The following TYW1 variants were observed in gnomAD, a reference collection of about 807,000 sequenced individuals.
The protein encoded by TYW1 is S-adenosyl-L-methionine-dependent tRNA 4-demethylwyosine synthase TYW1.
TYW1 carries 46 observed loss-of-function variants against 96.2 expected under a neutral mutation model. The ratio of observed to expected loss-of-function variants is 0.48; its 90% CI spans 0.38 to 0.61. The LOEUF is 0.61. TYW1 is among the 20% of genes least tolerant of loss of function. The pLI is 0.00. For missense variants in TYW1, 684 were observed against 909.6 expected, an observed-to-expected ratio of 0.75 and a Z score of 3.19; for synonymous variants, 274 against 323.0, an observed-to-expected ratio of 0.85 and a Z score of 1.63.
chr7:67,175,362 G>A (rs1201237161), intron 13 of TYW1, among the ~76,000 whole-genome samples: 2 of 152,026 alleles, frequency 1.3e-5, no homozygotes, highest in Non-Finnish European at 2.9e-5. Context: ...GTAGAGATGG[G>A]GTTTCTCCAT....
At chr7:67,177,526 A>G (rs1753062739) in intron 13 of TYW1, among the ~76,000 whole-genome samples, 1 of 152,236 alleles carries the variant, frequency 6.6e-6, no homozygotes, top group African/African-American at 2.4e-5. Context: ...GAAAAAAGAC[A>G]AATATTCCAA....
chr7:67,207,758 T>C (rs1164502136), intron 15 of TYW1, among the ~76,000 whole-genome samples: 1 of 145,822 alleles, frequency 6.9e-6, no homozygotes, highest in Non-Finnish European at 1.5e-5. Context: ...TCTTGTTCTG[T>C]CTCCCAGGCT....
intron 6 of TYW1, among the ~76,000 whole-genome samples, chr7:67,022,777 G>T (rs1319921640): frequency 6.6e-6 from 1 of 152,090 alleles, no homozygotes; most frequent in Non-Finnish European, 1.5e-5. Context: ...CTTATTTCTG[G>T]GAACAATTTA....
At chr7:67,001,133 A>G (rs1026006759) in intron 3 of TYW1, among the ~76,000 whole-genome samples, 9 of 152,196 alleles carry the variant, frequency 5.9e-5, no homozygotes, top group Non-Finnish European at 8.8e-5. Context: ...GCAGATGGTA[A>G]CAAATCCAGG....
At chr7:67,081,558 C>T (rs1168501710) in intron 10 of TYW1, among the ~76,000 whole-genome samples, 2 of 151,762 alleles carry the variant, frequency 1.3e-5, no homozygotes, top group African/African-American at 4.8e-5. Flanking sequence ...CCTTTTCCCA[C>T]CTGTTCTCCT....
At chr7:66,998,426 T>G (rs960834401) in intron 2 of TYW1, among the ~76,000 whole-genome samples, 1 of 152,226 alleles carries the variant, frequency 6.6e-6, no homozygotes, top group Non-Finnish European at 1.5e-5. Context: ...GGAAGATTTT[T>G]GTAATGAAAA....
intron 10 of TYW1, among the ~76,000 whole-genome samples, chr7:67,074,883 A>G (rs1461803929): frequency 2.6e-5 from 4 of 151,706 alleles, no homozygotes; most frequent in African/African-American, 9.7e-5. Flanking sequence ...CCCAGGCTGG[A>G]GTGCAGTGGT....
At chr7:67,109,045 G>A (rs1337824706) in intron 12 of TYW1, among the ~76,000 whole-genome samples, 10 of 151,762 alleles carry the variant, frequency 6.6e-5, no homozygotes, top group African/African-American at 1.9e-4. Context: ...AGGCCGAGGC[G>A]GGCGGATCAC....
intron 10 of TYW1, among the ~76,000 whole-genome samples, chr7:67,074,345 G>T (rs970303843): frequency 3.2e-4 from 49 of 152,146 alleles, no homozygotes; most frequent in Non-Finnish European, 5.4e-4. Flanking sequence ...TAAGTAGTTG[G>T]TTTTTTTACA....
intron 15 of TYW1, among the ~76,000 whole-genome samples, chr7:67,199,739 CCTCT>C (rs532327797): frequency 3.5e-4 from 53 of 152,224 alleles, no homozygotes; most frequent in Non-Finnish European, 5.6e-4. Context: ...ACTCCCTGTT[CCTCT>C]CTCTCTGTCT....
At chr7:67,221,861 CTTTTT>C (rs58609089) in intron 15 of TYW1, among the ~76,000 whole-genome samples, 1 of 144,308 alleles carries the variant, frequency 6.9e-6, no homozygotes, top group African/African-American at 2.6e-5. Flanking sequence ...TAATACTTGT[CTTTTT>C]TTTTTTTTTT....
In TYW1 at chr7:67,085,696, C is replaced by T. The variant is rs148979022; in HGVS notation, c.1384+2157C>T. On this transcript the variant is annotated intron_variant, in intron 11 of 15. Transcript: ENST00000359626. ...AGATAATTATTCAGTAGGCTTAGCA[C>T]GGTGCCTCACGCTTGTAATCCCAGG... is the stretch of plus-strand genomic sequence containing the variant. 4.7e-3 allele frequency among the ~76,000 whole-genome samples: 718 copies of T among 152,196 alleles called. 6 individuals are homozygous for T. The highest frequency in any genetic ancestry group is 0.016 in the African/African-American group (661 of 41,510).
intron 8 of TYW1, among the ~76,000 whole-genome samples, chr7:67,051,984 A>G (rs963467838): frequency 6.6e-6 from 1 of 151,910 alleles, no homozygotes; most frequent in Non-Finnish European, 1.5e-5. Context: ...CCTCTTACTC[A>G]CATTGCTTCT....
chr7:67,080,520 C>G (rs1210360637), intron 10 of TYW1, among the ~76,000 whole-genome samples: 3 of 152,028 alleles, frequency 2.0e-5, no homozygotes, highest in African/African-American at 7.3e-5. Context: ...ATTCTTCTGC[C>G]TCAGCCTCTT....
At position 67,020,518 on chromosome 7, in the gene TYW1, G is replaced by C. The variant is rs376155025; in HGVS notation, c.861+2375G>C. 3.5e-4 allele frequency among the ~76,000 whole-genome samples: 53 copies of C among 152,382 alleles called. No homozygotes were observed. In the South Asian group the frequency reaches 0.011, roughly 31 times the overall value. ...CTCCCAAAGTGCTGGGATTACAGAC[G>C]TGAGCCATTGTGTCCGGCCAAGTAA... On this transcript the variant is annotated intron_variant, in intron 6 of 15. Transcript: ENST00000359626.
At chr7:67,118,713 G>T (rs1797673163) in intron 13 of TYW1, among the ~76,000 whole-genome samples, 1 of 151,492 alleles carries the variant, frequency 6.6e-6, no homozygotes, top group East Asian at 1.9e-4. Context: ...TGGCAACATG[G>T]CAAAACCCCG....
chr7:67,095,695 ACAACAG>A (rs1285679210), intron 11 of TYW1, among the ~76,000 whole-genome samples: 14 of 111,240 alleles, frequency 1.3e-4, no homozygotes, highest in Admixed American at 5.3e-4. Context: ...AACAACAACA[ACAACAG>A]CAGCAGCAGC....
chr7:67,030,713 C>T (rs1003529296), intron 7 of TYW1, among the ~76,000 whole-genome samples: 10 of 151,816 alleles, frequency 6.6e-5, no homozygotes, highest in Non-Finnish European at 1.3e-4. Flanking sequence ...GGGCTGGTTT[C>T]AGGACTGGTG....
At chr7:67,019,577 C>T (rs1195837965) in intron 6 of TYW1, among the ~76,000 whole-genome samples, 1 of 152,402 alleles carries the variant, frequency 6.6e-6, no homozygotes, top group Non-Finnish European at 1.5e-5. Flanking sequence ...AACCTCCCAT[C>T]TTGGCCTCGG....
Sources: allele counts gnomAD v4.1 joint callset (sites outside exome capture counted in the v4.1 genomes callset), GRCh38; gene constraint gnomAD v4.1.1; transcripts MANE v1.5; gene names NCBI Gene and HGNC (gene_info 2026-07-23, HGNC 2026-07-21).